MEGF11: variants seen among roughly 807,000 people sequenced by gnomAD.
MEGF11 encodes multiple EGF like domains 11.
In MEGF11, 126 loss-of-function variants were observed where a neutral mutation model predicts 146.6. The ratio of observed to expected loss-of-function variants is 0.86; its 90% CI spans 0.74 to 1.00. The LOEUF (loss-of-function observed/expected upper bound fraction) is 1.00. Ranked by LOEUF, MEGF11 falls within the 50% of genes least tolerant of loss-of-function variation. MEGF11 has a pLI of 0.00. For synonymous variants in MEGF11, 532 were observed against 583.4 expected, an observed-to-expected ratio of 0.91 and a Z score of 1.27; for missense variants, 1,509 against 1,521.2, an observed-to-expected ratio of 0.99 and a Z score of 0.13.
At chr15:66,249,173 C>CT (rs1461649060) in intron 1 of MEGF11, among the ~76,000 whole-genome samples, 2 of 152,236 alleles carry the variant, frequency 1.3e-5, no homozygotes, top group African/African-American at 4.8e-5. Flanking sequence ...ACCTGTGAAC[C>CT]TGTGGTGTGG....
chr15:66,137,867 A>G (rs2088965387), intron 1 of MEGF11, among the ~76,000 whole-genome samples: 1 of 151,978 alleles, frequency 6.6e-6, no homozygotes, highest in South Asian at 2.1e-4. Context: ...TCTTCTCTAT[A>G]TATTTTCAGT....
intron 5 of MEGF11, among the ~76,000 whole-genome samples, chr15:66,002,451 C>G (rs909109973): frequency 6.6e-6 from 1 of 152,174 alleles, no homozygotes; most frequent in East Asian, 1.9e-4. Context: ...TTGGAAATCA[C>G]TACTGTGGGG....
At chr15:65,908,340 G>A (rs1433985118) in intron 23 of MEGF11, among the ~76,000 whole-genome samples, 1 of 152,146 alleles carries the variant, frequency 6.6e-6, no homozygotes, top group East Asian at 1.9e-4. Context: ...CCCCAGAGGA[G>A]CCACATTGTA....
At chr15:66,078,739 C>A (rs2085702930) in intron 5 of MEGF11, among the ~76,000 whole-genome samples, 1 of 152,160 alleles carries the variant, frequency 6.6e-6, no homozygotes, top group Non-Finnish European at 1.5e-5. Context: ...CGGTTGCCAG[C>A]ACGTGCGACA....
intron 1 of MEGF11, among the ~76,000 whole-genome samples, chr15:66,213,715 C>A (rs928744946): frequency 6.6e-6 from 1 of 151,782 alleles, no homozygotes; most frequent in Non-Finnish European, 1.5e-5. Flanking sequence ...CCACACCCAG[C>A]CTTAAATTGT....
At chr15:66,248,909 C>A (rs2092333754) in intron 1 of MEGF11, among the ~76,000 whole-genome samples, 1 of 152,160 alleles carries the variant, frequency 6.6e-6, no homozygotes, top group Non-Finnish European at 1.5e-5. Context: ...GATTTTTGCT[C>A]CCTCTCAACT....
chr15:66,121,041 G>A (rs760220081), intron 3 of MEGF11, among the ~76,000 whole-genome samples: 8 of 152,104 alleles, frequency 5.3e-5, no homozygotes, highest in Non-Finnish European at 1.0e-4. Flanking sequence ...GCTGACGGAG[G>A]GTGCAAGCTG....
At chr15:66,017,669 C>G (rs972530071) in intron 5 of MEGF11, among the ~76,000 whole-genome samples, 1 of 152,206 alleles carries the variant, frequency 6.6e-6, no homozygotes, top group Non-Finnish European at 1.5e-5. Flanking sequence ...AGGCTCGGCT[C>G]CACTTGCTAG....
At chr15:66,250,916 T>C (rs2092361714) in intron 1 of MEGF11, among the ~76,000 whole-genome samples, 1 of 146,744 alleles carries the variant, frequency 6.8e-6, no homozygotes, top group African/African-American at 2.5e-5. Flanking sequence ...AAAAAAAGAA[T>C]GAAAAAAAAA....
intron 1 of MEGF11, among the ~76,000 whole-genome samples, chr15:66,168,090 C>T (rs1315349177): frequency 6.6e-6 from 1 of 152,074 alleles, no homozygotes; most frequent in Non-Finnish European, 1.5e-5. Flanking sequence ...TCCTATCAAA[C>T]CAAAATGCTC....
chr15:66,215,652 A>G (rs1376294707), intron 1 of MEGF11, among the ~76,000 whole-genome samples: 1 of 152,298 alleles, frequency 6.6e-6, no homozygotes, highest in Non-Finnish European at 1.5e-5. Context: ...GGTTCGAGAC[A>G]AGATTGAAAT....
intron 5 of MEGF11, among the ~76,000 whole-genome samples, chr15:66,017,797 G>C (rs2082944712): frequency 6.6e-6 from 1 of 152,230 alleles, no homozygotes; most frequent in Non-Finnish European, 1.5e-5. Context: ...TGTGGCCTAA[G>C]AGTGAGTGAG....
At chr15:65,920,488 ACT>A (rs1346966643) in intron 15 of MEGF11, among the ~76,000 whole-genome samples, 1 of 152,066 alleles carries the variant, frequency 6.6e-6, no homozygotes, top group Non-Finnish European at 1.5e-5. Context: ...CCCAAAATGA[ACT>A]CTGAGCTTCT....
chr15:66,033,078 C>CAAAAAAAAAAAAAAAAAAAA (rs60932678), intron 5 of MEGF11, among the ~76,000 whole-genome samples: 1 of 80,612 alleles, frequency 1.2e-5, no homozygotes, highest in African/African-American at 5.4e-5. Context: ...GAGACTCCAT[C>CAAAAAAAAAAAAAAAAAAAA]AAAAAAAAAA....
intron 1 of MEGF11, among the ~76,000 whole-genome samples, chr15:66,249,455 G>C (rs139027902): frequency 6.6e-6 from 1 of 152,216 alleles, no homozygotes; most frequent in African/African-American, 2.4e-5. Context: ...GAGCCACCGG[G>C]CATGGAGTCT....
intron 21 of MEGF11, among the ~76,000 whole-genome samples, chr15:65,910,309 G>A (rs2078760292): frequency 6.6e-6 from 1 of 152,144 alleles, no homozygotes; most frequent in South Asian, 2.1e-4. Flanking sequence ...GGCTTATATT[G>A]TAGTCCTTCC....
chr15:66,220,600 T>C (rs549847031), intron 1 of MEGF11, among the ~76,000 whole-genome samples: 44 of 148,944 alleles, frequency 3.0e-4, no homozygotes, highest in Middle Eastern at 3.6e-3. Flanking sequence ...TGCAGTGGCG[T>C]GATCTCGGCT....
chr15:66,192,666 C>A (rs1597144738), intron 1 of MEGF11, among the ~76,000 whole-genome samples: 1 of 152,072 alleles, frequency 6.6e-6, no homozygotes, highest in East Asian at 1.9e-4. Flanking sequence ...AGGATTTGCC[C>A]CTTAACCACC....
chr15:66,223,549 C>T (rs1218322332), intron 1 of MEGF11, among the ~76,000 whole-genome samples: 2 of 152,018 alleles, frequency 1.3e-5, no homozygotes, highest in African/African-American at 4.8e-5. Flanking sequence ...ATGGTAAAAC[C>T]CCACCTCTCC....
Sources: gnomAD v4.1 joint callset for allele counts (sites outside exome capture counted in the v4.1 genomes callset) on GRCh38, gnomAD v4.1.1 for gene constraint, MANE v1.5 for transcripts, NCBI Gene and HGNC (gene_info 2026-07-23, HGNC 2026-07-21) for gene names.